The following USP22 variants were observed in gnomAD, a reference collection of about 807,000 sequenced individuals.
USP22 encodes the protein ubiquitin carboxyl-terminal hydrolase 22.
A neutral mutation model predicts 68.1 loss-of-function variants in USP22; 22 were observed. The observed-to-expected ratio is 0.32, with a 90% CI of 0.23 to 0.46. The LOEUF is 0.46. Ranked by LOEUF, USP22 falls within the 20% of genes least tolerant of loss-of-function variation. The pLI, the probability that USP22 is intolerant of heterozygous loss-of-function variation, is 1.00. For synonymous variants in USP22, 279 were observed against 274.2 expected (o/e 1.02, Z -0.17); for missense variants, 433 against 695.8 (o/e 0.62, Z 4.25).
At position 21,021,114 on chromosome 17, in the gene USP22, T is replaced by C; in HGVS notation, c.417A>G (p.Gln139=). 1 of 1,613,412 alleles carries C rather than the reference T, an allele frequency of 6.2e-7. No homozygotes were observed. Among genetic ancestry groups the C allele is most frequent in the Non-Finnish European group, 8.5e-7 (1 of 1,179,336 alleles). ...AGGTAAACTGAGGTGGAACCAAACC[T>C]TGCATTTTCCAAGCTTTTCGCTGCT... ...KEEQRKAWKM[Q]GVGEKFSTWE... The change falls in exon 3 of 13, where the codon CAA becomes CAG. Residue 139 remains glutamine, a splice_region_variant and synonymous_variant. Coordinates refer to ENST00000261497, the MANE Select transcript of USP22 (RefSeq NM_015276.2).
At chr17:21,003,184 A>T in intron 12 of USP22, 111 bp from the exon 13 acceptor site, 1 of 1,319,442 alleles carries the variant, frequency 7.6e-7, no homozygotes, top group South Asian at 1.2e-5. Context: ...CAGGTCGGCC[A>T]GGCCCGAGTT....
upstream of USP22, chr17:21,043,302 C>CCCCCCCCCCCCCCCCCCCCCCCG (rs1567596616): frequency 4.2e-5 from 2 of 47,548 alleles, no homozygotes; most frequent in Non-Finnish European, 5.9e-5. Context: ...GTAGGCCACC[C>CCCCCCCCCCCCCCCCCCCCCCCG]CCCCCCCCCC....
chr17:21,042,716 G>A lies in USP22; in HGVS notation c.120C>T (p.Ala40=), dbSNP rs771930596. 1.4e-6 allele frequency: 2 copies of A among 1,451,162 alleles called. No homozygotes were observed. Among genetic ancestry groups the A allele is most frequent in the Admixed American group, 2.2e-5 (1 of 44,964 alleles). 89.9% of individuals were successfully genotyped at this position (1,451,162 alleles called of 1,614,324 possible). A position where few individuals can be genotyped will look rare whatever the true frequency, so the allele number is the denominator to read the frequency against. ...KVDNWKQNLR[A]IYQCFVWSGT... ...CGCTCCACACGAAGCACTGGTAGAT[G>A]GCCCGCAGGTTCTGCTTCCAGTTGT... The change falls in exon 1 of 13, where the codon GCC becomes GCT. Residue 40 remains alanine (A), a synonymous_variant. Transcript: ENST00000261497.
chr17:21,018,467 C>T, intron 4 of USP22: 1 of 177,628 alleles, frequency 5.6e-6, no homozygotes, highest in Non-Finnish European at 1.2e-5. Flanking sequence ...TGTAACCCAG[C>T]ACTCTGGGAA....
At chr17:21,007,611 A>ATTT (rs1324117524) in intron 9 of USP22, among the ~76,000 whole-genome samples, 1 of 152,128 alleles carries the variant, frequency 6.6e-6, no homozygotes, top group Non-Finnish European at 1.5e-5. Flanking sequence ...AAGTAATAAA[A>ATTT]ACTTCACAAC....
chr17:21,016,925 C>T (rs1567587881), intron 5 of USP22, among the ~76,000 whole-genome samples: 1 of 152,216 alleles, frequency 6.6e-6, no homozygotes, highest in East Asian at 1.9e-4. Flanking sequence ...CTTAACAAGC[C>T]GGAGTCTAAA....
chr17:21,007,846 G>A (rs1913826001), intron 9 of USP22, 24 bp downstream of exon 9: 3 of 1,613,934 alleles, frequency 1.9e-6, no homozygotes, highest in Non-Finnish European at 2.5e-6. Flanking sequence ...TCTGCCATTA[G>A]AGTTGGCTTT....
In USP22 at chr17:21,017,948, A is replaced by G. The variant is rs773476929; in HGVS notation, c.684T>C (p.Phe228=). The change falls in exon 5 of 13, where the codon TTT becomes TTC. Residue 228 remains phenylalanine (F), a synonymous_variant. Coordinates refer to ENST00000261497, the MANE Select transcript of USP22 (RefSeq NM_015276.2). ...SCLVCEMSSL[F]QEFYSGHRSP... ...AGAAGTCAATGGCGCTCACCTCCTG[A>G]AACAGTGAGGACATCTCACAGACCA... 2.5e-6 allele frequency: 4 copies of G among 1,614,080 alleles called. No homozygotes were observed. The highest frequency in any genetic ancestry group is 3.4e-6 in the Non-Finnish European group (4 of 1,180,024).
intron 1 of USP22, among the ~76,000 whole-genome samples, chr17:21,031,860 G>T (rs1259736917): frequency 6.6e-6 from 1 of 152,220 alleles, no homozygotes. Context: ...CAGGCCTTAT[G>T]GAGCCAACAC....
chr17:21,037,306 G>C (rs183274551), intron 1 of USP22, among the ~76,000 whole-genome samples: 4 of 152,292 alleles, frequency 2.6e-5, no homozygotes, highest in Admixed American at 2.0e-4. Flanking sequence ...CCCCACCCCG[G>C]TAGAGTACCT....
intron 1 of USP22, among the ~76,000 whole-genome samples, chr17:21,034,596 T>C (rs1306874361): frequency 6.6e-6 from 1 of 152,194 alleles, no homozygotes; most frequent in Admixed American, 6.5e-5. Context: ...CCCATGACCA[T>C]CCCTTTGTCC....
At chr17:21,015,992 C>T (rs1389596570) in intron 5 of USP22, 93 bp from the exon 6 acceptor site, 1 of 1,432,532 alleles carries the variant, frequency 7.0e-7, no homozygotes, top group Non-Finnish European at 9.3e-7. Context: ...AGATGCCTAC[C>T]ATTGGCTGTG....
At position 21,031,816 on chromosome 17, in the gene USP22, C is replaced by G. The variant is rs140190244; in HGVS notation, c.172-3142G>C. Among the ~76,000 whole-genome samples, 64 of 152,364 alleles carry G rather than the reference C, an allele frequency of 4.2e-4. 1 individual carries two copies. The highest frequency in any genetic ancestry group is 1.4e-3 in the African/African-American group (60 of 41,592). Reference sequence around the variant, plus strand: ...ACACAACCTAGGATGCTCCCCTGCACGGGTTTACCAATCACCAGGGAAGAC... The same window carrying G: ...ACACAACCTAGGATGCTCCCCTGCAGGGGTTTACCAATCACCAGGGAAGAC... On this transcript the variant is annotated intron_variant, in intron 1 of 12. Transcript: ENST00000261497.
At chr17:21,039,303 C>T (rs770182914) in intron 1 of USP22, among the ~76,000 whole-genome samples, 12 of 150,934 alleles carry the variant, frequency 8.0e-5, no homozygotes, top group Admixed American at 3.3e-4. Flanking sequence ...TCGGGCCAGG[C>T]GCGGTGGCTC....
chr17:21,017,847 G>C, intron 5 of USP22, 95 bp downstream of exon 5: 1 of 1,452,282 alleles, frequency 6.9e-7, no homozygotes. Flanking sequence ...GGTTCTAAAT[G>C]TATCTTCCTT....
At chr17:21,014,975 C>T (rs769547372) in intron 6 of USP22, among the ~76,000 whole-genome samples, 1 of 152,194 alleles carries the variant, frequency 6.6e-6, no homozygotes, top group Non-Finnish European at 1.5e-5. Flanking sequence ...CCAGCACGGG[C>T]TTTAGGAAGA....
intron 2 of USP22, among the ~76,000 whole-genome samples, chr17:21,026,652 T>C (rs1415424289): frequency 2.1e-5 from 3 of 141,968 alleles, no homozygotes; most frequent in Non-Finnish European, 4.8e-5. Flanking sequence ...AAAAAAAAAT[T>C]AGTAGGAAAA....
At chr17:21,020,545 C>T (rs1166071270) in intron 3 of USP22, among the ~76,000 whole-genome samples, 1 of 152,156 alleles carries the variant, frequency 6.6e-6, no homozygotes, top group Non-Finnish European at 1.5e-5. Context: ...TGGGTGCACG[C>T]TGTTGACATG....
chr17:21,004,143 T>TACCGGAGGGGAAGCACCGTAGCC lies in USP22; in HGVS notation c.1535+36_1535+58dup, dbSNP rs1183938816. 2.5e-6 allele frequency: 4 copies of TACCGGAGGGGAAGCACCGTAGCC among 1,591,244 alleles called. No homozygotes were observed. The African/African-American group carries it at 4.0e-5, about 16-fold the overall frequency. Reference sequence around the variant, plus strand: ...CTCAGACATGGGCTAGTCTCAGCTATACCGGAGGGGAAGCACCGTAGCCAC... The same window carrying TACCGGAGGGGAAGCACCGTAGCC: ...CTCAGACATGGGCTAGTCTCAGCTATACCGGAGGGGAAGCACCGTAGCCACCGGAGGGGAAGCACCGTAGCCAC... On this transcript the variant is annotated intron_variant, in intron 12 of 12. Transcript: ENST00000261497.
Sources: allele counts gnomAD v4.1 joint callset (sites outside exome capture counted in the v4.1 genomes callset), GRCh38; gene constraint gnomAD v4.1.1; transcripts MANE v1.5; gene names NCBI Gene and HGNC (gene_info 2026-07-23, HGNC 2026-07-21).